Variants in PTPRM observed in about 807,000 individuals in gnomAD.
The protein encoded by PTPRM is protein tyrosine phosphatase receptor type M, also known as receptor-type tyrosine-protein phosphatase mu.
A neutral mutation model predicts 186.7 loss-of-function variants in PTPRM; 47 were observed. The ratio of observed to expected loss-of-function variants is 0.25; its 90% CI spans 0.20 to 0.32. The LOEUF is 0.32. Ranked by LOEUF, PTPRM falls within the 10% of genes least tolerant of loss-of-function variation. PTPRM has a pLI of 1.00. For synonymous variants in PTPRM, 668 were observed against 674.9 expected (o/e 0.99, Z 0.16); for missense variants, 1,494 against 1,865.0 (o/e 0.80, Z 3.66).
intron 19 of PTPRM, among the ~76,000 whole-genome samples, chr18:8,280,942 A>T (rs1439416615): frequency 6.6e-6 from 1 of 152,258 alleles, no homozygotes; most frequent in African/African-American, 2.4e-5. Flanking sequence ...CTCACATATT[A>T]GAGATGTGAA....
In PTPRM at chr18:8,347,791, C is replaced by T. The variant is rs116993456; in HGVS notation, c.3054+4271C>T. On this transcript the variant is annotated intron_variant, in intron 23 of 32. Coordinates refer to ENST00000580170, the MANE Select transcript of PTPRM (RefSeq NM_001105244.2). ...TTAAAGTAACTCAACCATTTCAGGT[C>T]TGGTAAGGTTATTAAAAAAAAAAAT... Among the ~76,000 whole-genome samples, 104 of 152,152 alleles carry T rather than the reference C, an allele frequency of 6.8e-4. No homozygotes were observed. In the East Asian group the frequency reaches 0.018, roughly 27 times the overall value.
intron 2 of PTPRM, among the ~76,000 whole-genome samples, chr18:7,823,919 A>G (rs1422511537): frequency 1.3e-5 from 2 of 152,144 alleles, no homozygotes; most frequent in Non-Finnish European, 2.9e-5. Flanking sequence ...CTGTCCCTCT[A>G]GAGAACCCTG....
At chr18:7,619,815 G>A (rs891978795) in intron 1 of PTPRM, among the ~76,000 whole-genome samples, 7 of 152,288 alleles carry the variant, frequency 4.6e-5, no homozygotes, top group South Asian at 2.1e-4. Context: ...GGACATAGGC[G>A]TGACCATATG....
At chr18:7,671,144 A>T (rs1396385460) in intron 1 of PTPRM, among the ~76,000 whole-genome samples, 2 of 152,202 alleles carry the variant, frequency 1.3e-5, no homozygotes, top group Non-Finnish European at 2.9e-5. Context: ...TTCTTTAAAC[A>T]TCATGCACCT....
At chr18:7,756,699 A>T (rs947098382) in intron 1 of PTPRM, among the ~76,000 whole-genome samples, 2 of 152,196 alleles carry the variant, frequency 1.3e-5, no homozygotes, top group African/African-American at 4.8e-5. Flanking sequence ...TACAATATAT[A>T]TATACAATAA....
At chr18:8,336,838 G>T (rs981921063) in intron 22 of PTPRM, among the ~76,000 whole-genome samples, 14 of 151,850 alleles carry the variant, frequency 9.2e-5, no homozygotes, top group Admixed American at 9.2e-4. Context: ...TTAGCTGGGT[G>T]TGGTGGTGCG....
chr18:8,174,599 A>G (rs1256077514), intron 14 of PTPRM, among the ~76,000 whole-genome samples: 1 of 152,232 alleles, frequency 6.6e-6, no homozygotes, highest in Non-Finnish European at 1.5e-5. Context: ...TCATGCAGTA[A>G]GAGGCGAGGG....
At position 7,838,002 on chromosome 18, in the gene PTPRM, G is replaced by A. The variant is rs4356548; in HGVS notation, c.197-50104G>A. ...AAGCTGTATCTGCATTAGGGGGCAC[G>A]CTGATCCCAGTAACTCTGTGGTTCC... is the stretch of plus-strand genomic sequence containing the variant. On this transcript the variant is annotated intron_variant, in intron 2 of 32. Transcript: ENST00000580170. Among the ~76,000 whole-genome samples the A allele has an allele frequency of 6.0e-3, 914 of 152,248 alleles. 20 individuals are homozygous for A. In the East Asian group the frequency reaches 0.065, roughly 11 times the overall value.
intron 20 of PTPRM, among the ~76,000 whole-genome samples, chr18:8,301,279 T>C (rs1054036179): frequency 2.0e-5 from 3 of 152,324 alleles, no homozygotes; most frequent in African/African-American, 7.2e-5. Flanking sequence ...AGTTAACTTT[T>C]CCCTTATTTA....
intron 1 of PTPRM, among the ~76,000 whole-genome samples, chr18:7,706,601 C>CAAAAAAAAAAAAAAAAA (rs766639399): frequency 1.9e-4 from 3 of 16,128 alleles, no homozygotes; most frequent in Admixed American, 9.4e-4. Flanking sequence ...GACCTTGTCT[C>CAAAAAAAAAAAAAAAAA]AAAAAAAAAA....
intron 2 of PTPRM, among the ~76,000 whole-genome samples, chr18:7,783,571 A>T (rs950443750): frequency 6.6e-5 from 10 of 151,834 alleles, no homozygotes; most frequent in African/African-American, 2.2e-4. Flanking sequence ...TTATTATTTT[A>T]TTTATTTATT....
chr18:7,940,963 GAAATA>G (rs770512221), intron 5 of PTPRM, among the ~76,000 whole-genome samples: 63 of 152,192 alleles, frequency 4.1e-4, no homozygotes, highest in African/African-American at 8.9e-4. Flanking sequence ...ATGCCTTTAT[GAAATA>G]AAATAAAAAA....
chr18:8,099,594 T>G (rs974812790), intron 11 of PTPRM, among the ~76,000 whole-genome samples: 7 of 152,120 alleles, frequency 4.6e-5, no homozygotes, highest in African/African-American at 1.4e-4. Flanking sequence ...ATTAACAGAT[T>G]ACCGTGGATG....
At chr18:7,832,195 C>T (rs1173376544) in intron 2 of PTPRM, among the ~76,000 whole-genome samples, 1 of 152,158 alleles carries the variant, frequency 6.6e-6, no homozygotes, top group African/African-American at 2.4e-5. Context: ...TTTCGAGGAA[C>T]CTTCAAACTG....
intron 4 of PTPRM, among the ~76,000 whole-genome samples, chr18:7,922,175 A>G (rs2050904875): frequency 6.6e-6 from 1 of 152,150 alleles, no homozygotes; most frequent in African/African-American, 2.4e-5. Flanking sequence ...TGAATTTGAG[A>G]GGTCCCAAAA....
intron 1 of PTPRM, among the ~76,000 whole-genome samples, chr18:7,717,239 GCCCCA>G: frequency 6.6e-6 from 1 of 152,094 alleles, no homozygotes; most frequent in Non-Finnish European, 1.5e-5. Context: ...AACACCCATG[GCCCCA>G]CCCCACCCCA....
chr18:8,007,704 G>C (rs973798385), intron 7 of PTPRM, among the ~76,000 whole-genome samples: 3 of 152,220 alleles, frequency 2.0e-5, no homozygotes, highest in Non-Finnish European at 4.4e-5. Flanking sequence ...CATGGAGATA[G>C]CTAACAGGAT....
intron 14 of PTPRM, among the ~76,000 whole-genome samples, chr18:8,215,764 T>C (rs1369109737): frequency 1.3e-5 from 2 of 151,972 alleles, no homozygotes; most frequent in Non-Finnish European, 2.9e-5. Context: ...CCCAGGCTGG[T>C]CTTGAACTCC....
chr18:7,649,757 GA>G (rs1275054915), intron 1 of PTPRM, among the ~76,000 whole-genome samples: 91 of 151,248 alleles, frequency 6.0e-4, no homozygotes, highest in Non-Finnish European at 7.4e-5. Context: ...AAAAGAAAAA[GA>G]AAAAAAATGA....
Sources: allele counts gnomAD v4.1 joint callset (sites outside exome capture counted in the v4.1 genomes callset), GRCh38; gene constraint gnomAD v4.1.1; transcripts MANE v1.5; gene names NCBI Gene and HGNC (gene_info 2026-07-23, HGNC 2026-07-21).